The following CECR2 variants were observed in gnomAD, a reference collection of about 807,000 sequenced individuals.
CECR2 encodes the protein chromatin remodeling regulator CECR2.
In CECR2, 30 loss-of-function variants were observed where a neutral mutation model predicts 154.5. That is an observed-to-expected ratio of 0.19 (90% CI 0.15 to 0.26). CECR2 has a LOEUF of 0.26. CECR2 is among the 10% of genes least tolerant of loss of function. The pLI is 1.00. For synonymous variants in CECR2, 725 were observed against 683.7 expected, an observed-to-expected ratio of 1.06 and a Z score of -0.94; for missense variants, 1,743 against 1,829.3, an observed-to-expected ratio of 0.95 and a Z score of 0.86.
chr22:17,381,531 A>G (rs9604738), intron 1 of CECR2, among the ~76,000 whole-genome samples: 100,199 of 151,970 alleles, frequency 0.66, 33,623 homozygotes, highest in East Asian at 0.8. Flanking sequence ...TTTCTGTAAC[A>G]TGCACATTTT....
intron 8 of CECR2, chr22:17,518,676 T>A: frequency 2.2e-6 from 1 of 445,592 alleles, no homozygotes; most frequent in Non-Finnish European, 4.6e-6. Flanking sequence ...CCAGGTCTTA[T>A]TGATGAATTA....
intron 1 of CECR2, among the ~76,000 whole-genome samples, chr22:17,360,308 C>G (rs5994289): frequency 0.44 from 67,195 of 152,092 alleles, 14,992 homozygotes; most frequent in Middle Eastern, 0.53. Context: ...AAGGACACAG[C>G]AAGCTATGAT....
At chr22:17,445,102 AT>A (rs1286297343) in intron 1 of CECR2, among the ~76,000 whole-genome samples, 8 of 152,100 alleles carry the variant, frequency 5.3e-5, no homozygotes, top group Non-Finnish European at 1.2e-4. Flanking sequence ...CACAATTTGG[AT>A]TTGTTAGACT....
At chr22:17,551,974 C>A (rs1028813726) in intron 17 of CECR2, 57 bp from the exon 18 acceptor site, 24 of 1,537,756 alleles carry the variant, frequency 1.6e-5, no homozygotes, top group Middle Eastern at 1.7e-4. Flanking sequence ...TGTCTTGTTT[C>A]TTCTGTCGTT....
At chr22:17,461,088 G>T (rs949410005) in intron 1 of CECR2, among the ~76,000 whole-genome samples, 6 of 152,190 alleles carry the variant, frequency 3.9e-5, no homozygotes, top group Non-Finnish European at 8.8e-5. Flanking sequence ...ACCGCGATGG[G>T]TTTCCCCGGT....
chr22:17,514,829 C>T (rs1346226975), intron 8 of CECR2, among the ~76,000 whole-genome samples: 1 of 151,990 alleles, frequency 6.6e-6, no homozygotes, highest in Non-Finnish European at 1.5e-5. Context: ...GTCAGGAGAT[C>T]GAGACCATCC....
intron 1 of CECR2, among the ~76,000 whole-genome samples, chr22:17,460,868 A>C (rs2054927106): frequency 6.6e-6 from 1 of 152,040 alleles, no homozygotes; most frequent in African/African-American, 2.4e-5. Flanking sequence ...TCAAATCTTT[A>C]TTTTCTTGCC....
chr22:17,417,959 TA>T (rs1189993503), intron 1 of CECR2, among the ~76,000 whole-genome samples: 4 of 152,088 alleles, frequency 2.6e-5, no homozygotes, highest in Non-Finnish European at 5.9e-5. Flanking sequence ...AGAATCTTGA[TA>T]GAACGTATTA....
chr22:17,373,279 A>T (rs1245114719), intron 1 of CECR2, among the ~76,000 whole-genome samples: 7 of 152,174 alleles, frequency 4.6e-5, no homozygotes, highest in African/African-American at 1.7e-4. Context: ...CCTTGAATAT[A>T]CAGGATTGCT....
chr22:17,499,311 G>C (rs2055692605), intron 3 of CECR2, 99 bp from the exon 4 acceptor site: 1 of 1,424,854 alleles, frequency 7.0e-7, no homozygotes, highest in Non-Finnish European at 9.5e-7. Context: ...TTTTAGATTT[G>C]AGTTATGCTT....
intron 14 of CECR2, 27 bp downstream of exon 14, chr22:17,540,827 G>T: frequency 6.6e-7 from 1 of 1,506,570 alleles, no homozygotes; most frequent in East Asian, 2.3e-5. Flanking sequence ...AGACTGTTGC[G>T]GTTTCTCCTA....
intron 1 of CECR2, among the ~76,000 whole-genome samples, chr22:17,456,197 T>C (rs1265043408): frequency 6.6e-6 from 1 of 152,196 alleles, no homozygotes; most frequent in Non-Finnish European, 1.5e-5. Context: ...AATACTATAT[T>C]CTAAAATGTT....
At chr22:17,372,162 A>G (rs1159149135) in intron 1 of CECR2, among the ~76,000 whole-genome samples, 1 of 152,220 alleles carries the variant, frequency 6.6e-6, no homozygotes, top group Non-Finnish European at 1.5e-5. Context: ...TCAAACATGC[A>G]GGTTTTAAGA....
At chr22:17,448,633 T>C (rs1246582110) in intron 1 of CECR2, among the ~76,000 whole-genome samples, 1 of 152,202 alleles carries the variant, frequency 6.6e-6, no homozygotes, top group Non-Finnish European at 1.5e-5. Context: ...ATTTATACTT[T>C]GGGACCTAAA....
intron 1 of CECR2, among the ~76,000 whole-genome samples, chr22:17,397,301 G>A (rs1228297682): frequency 6.6e-6 from 1 of 151,730 alleles, no homozygotes; most frequent in Non-Finnish European, 1.5e-5. Context: ...CACCACACCT[G>A]GCTAATTTTT....
At chr22:17,388,177 C>T (rs866289027) in intron 1 of CECR2, among the ~76,000 whole-genome samples, 1 of 152,170 alleles carries the variant, frequency 6.6e-6, no homozygotes, top group Non-Finnish European at 1.5e-5. Context: ...TGGTCTCAAA[C>T]TCCTGACCTC....
chr22:17,490,147 TTG>T (rs66788556), intron 2 of CECR2, among the ~76,000 whole-genome samples: 13 of 149,716 alleles, frequency 8.7e-5, no homozygotes, highest in East Asian at 2.0e-4. Flanking sequence ...TGTTTTTTTT[TTG>T]TGTGTGTGTG....
At chr22:17,414,470 TA>T (rs2054125501) in intron 1 of CECR2, among the ~76,000 whole-genome samples, 1 of 150,674 alleles carries the variant, frequency 6.6e-6, no homozygotes, top group African/African-American at 2.4e-5. Context: ...TTTTTTTTTT[TA>T]GAACGAAACC....
intron 2 of CECR2, among the ~76,000 whole-genome samples, chr22:17,486,621 A>G (rs763340653): frequency 4.6e-5 from 7 of 152,242 alleles, no homozygotes; most frequent in Non-Finnish European, 8.8e-5. Flanking sequence ...CCCCAGGAAA[A>G]ACTAGGCCAT....
Sources: gnomAD v4.1 joint callset for allele counts (sites outside exome capture counted in the v4.1 genomes callset) on GRCh38, gnomAD v4.1.1 for gene constraint, MANE v1.5 for transcripts, NCBI Gene and HGNC (gene_info 2026-07-23, HGNC 2026-07-21) for gene names.